The following GRSF1 variants were observed in gnomAD, a reference collection of about 807,000 sequenced individuals.
GRSF1 encodes G-rich sequence factor 1.
GRSF1 carries 50 observed loss-of-function variants against 51.1 expected under a neutral mutation model. That is an observed-to-expected ratio of 0.98 (90% CI 0.78 to 1.24). GRSF1 has a LOEUF of 1.24. Among genes scored for constraint, GRSF1 ranks in the 50% most tolerant of loss-of-function variants. GRSF1 has a pLI of 0.00. For synonymous variants in GRSF1, 293 were observed against 253.3 expected (o/e 1.16, Z -1.49); for missense variants, 700 against 639.7 (o/e 1.09, Z -1.02).
intron 8 of GRSF1, among the ~76,000 whole-genome samples, chr4:70,824,824 T>C (rs565280521): frequency 2.0e-5 from 3 of 152,208 alleles, no homozygotes; most frequent in African/African-American, 7.2e-5. Context: ...ACAAACAGGC[T>C]GGATGCGGTG....
chr4:70,838,944 G>GGAAC, intron 1 of GRSF1: 1 of 355,942 alleles, frequency 2.8e-6, no homozygotes, highest in Non-Finnish European at 5.4e-6. Context: ...GACAGGAGAG[G>GGAAC]GAACGGCGCG....
In GRSF1 at chr4:70,826,161, C is replaced by T. The variant is rs1216806954; in HGVS notation, c.1220G>A (p.Gly407Glu). 1 of 1,611,414 alleles carries T rather than the reference C, an allele frequency of 6.2e-7. No homozygotes were observed. Among genetic ancestry groups the T allele is most frequent in the African/African-American group, 1.3e-5 (1 of 74,788 alleles). ...TSSLHFVHMR[G>E]LPFQANAQDI... The stretch of plus-strand genomic sequence containing the variant: ...TTGGGCATTGGCTTGGAAAGGTAAT[C>T]CTCTCATGTGGACAAAATGCAGAGA... Residue 407 changes from glycine to glutamate, a missense_variant, in exon 7 of 10, where the codon GGA becomes GAA. By Grantham distance (98) the Gly-to-Glu change is moderately conservative. Coordinates refer to ENST00000254799, the MANE Select transcript of GRSF1 (RefSeq NM_002092.4).
intron 5 of GRSF1, among the ~76,000 whole-genome samples, chr4:70,828,450 A>C (rs1437520834): frequency 6.6e-6 from 1 of 152,234 alleles, no homozygotes; most frequent in African/African-American, 2.4e-5. Context: ...ATTAAAAGTC[A>C]CAGTAAAAGA....
chr4:70,831,402 T>G, intron 5 of GRSF1, 137 bp downstream of exon 5: 1 of 675,716 alleles, frequency 1.5e-6, no homozygotes, highest in Non-Finnish European at 2.4e-6. Context: ...TAATCTAAAT[T>G]ATGGGCATTT....
intron 2 of GRSF1, among the ~76,000 whole-genome samples, chr4:70,835,716 C>T (rs1578308244): frequency 6.6e-6 from 1 of 152,252 alleles, no homozygotes; most frequent in African/African-American, 2.4e-5. Flanking sequence ...GCTGGGATTA[C>T]AGGCGTGAGC....
chr4:70,836,113 A>C (rs563424214), intron 2 of GRSF1, 45 bp downstream of exon 2: 2 of 1,166,182 alleles, frequency 1.7e-6, no homozygotes, highest in Admixed American at 3.5e-5. Flanking sequence ...GTGAGAAACA[A>C]TATAAGGAAA....
intron 1 of GRSF1, among the ~76,000 whole-genome samples, chr4:70,836,946 T>C (rs572790728): frequency 1.3e-5 from 2 of 152,316 alleles, no homozygotes; most frequent in East Asian, 3.9e-4. Context: ...GAAGGTGACC[T>C]GGCAAAAGAG....
rs749532601 is a variant in GRSF1, at chr4:70,833,274, C to T, written c.515-1G>A. On this transcript the variant is annotated splice_acceptor_variant, in intron 2 of 9. Coordinates refer to ENST00000254799, the MANE Select transcript of GRSF1 (RefSeq NM_002092.4). LOFTEE classifies it high-confidence loss of function. ...TTCTCACCGTTGCGGATTCTGCAGT[C>T]TAAAAGTGTATGAGCAAAATCAATT... is the stretch of plus-strand genomic sequence containing the variant. 2.5e-6 allele frequency: 4 copies of T among 1,612,768 alleles called. No individual in the cohort carries two copies. In the Admixed American group the frequency reaches 6.7e-5, roughly 27 times the overall value.
intron 9 of GRSF1, among the ~76,000 whole-genome samples, chr4:70,822,200 C>T (rs1417380881): frequency 6.6e-6 from 1 of 151,976 alleles, no homozygotes. Context: ...AAAAAAAATG[C>T]CATTTTAGGA....
rs1408033758 is a variant in GRSF1, at chr4:70,833,247, C to T, written c.541G>A (p.Gly181Arg). Residue 181 changes from glycine (G) to arginine (R), a missense_variant, in exon 3 of 10, where the codon GGA becomes AGA. Gly to Arg is a moderately radical substitution (Grantham distance 125). Transcript: ENST00000254799. Reference protein sequence around the residue: ...SDCRIRNGENGIHFLLNRDGK... With the variant: ...SDCRIRNGENRIHFLLNRDGK... ...TCTCTGTTTAGGAGAAAATGTATTC[C>T]ATTCTCACCGTTGCGGATTCTGCAG... 2 of 1,613,754 alleles carry T rather than the reference C, an allele frequency of 1.2e-6. No homozygotes were observed. Among genetic ancestry groups the T allele is most frequent in the Non-Finnish European group, 1.7e-6 (2 of 1,179,820 alleles).
chr4:70,823,587 G>C (rs1578293532), intron 9 of GRSF1, among the ~76,000 whole-genome samples: 1 of 150,958 alleles, frequency 6.6e-6, no homozygotes, highest in Non-Finnish European at 1.5e-5. Flanking sequence ...AAAAGGAATG[G>C]TGCCAGGCGG....
At chr4:70,835,504 T>G (rs1182874918) in intron 2 of GRSF1, among the ~76,000 whole-genome samples, 11 of 146,048 alleles carry the variant, frequency 7.5e-5, no homozygotes, top group African/African-American at 2.7e-4. Flanking sequence ...TCGCCCAGGC[T>G]GGAATGCAGT....
chr4:70,831,351 G>C (rs1411317540), intron 5 of GRSF1, among the ~76,000 whole-genome samples, 188 bp downstream of exon 5: 1 of 147,690 alleles, frequency 6.8e-6, no homozygotes, highest in South Asian at 2.1e-4. Flanking sequence ...GTGAAACTCT[G>C]TCTCAAAAAA....
intron 1 of GRSF1, 161 bp downstream of exon 1, chr4:70,839,310 G>C: frequency 6.7e-7 from 1 of 1,501,708 alleles, no homozygotes; most frequent in Non-Finnish European, 8.9e-7. Flanking sequence ...TTGTTCCAGG[G>C]CCCAATAGGA....
At chr4:70,843,042 C>T (rs1419472488), upstream of GRSF1, among the ~76,000 whole-genome samples, 1 of 152,074 alleles carries the variant, frequency 6.6e-6, no homozygotes, top group Non-Finnish European at 1.5e-5. Flanking sequence ...CACCTGCCAT[C>T]CTCATGACAG....
At chr4:70,828,954 G>A (rs1733848266) in intron 5 of GRSF1, among the ~76,000 whole-genome samples, 1 of 151,962 alleles carries the variant, frequency 6.6e-6, no homozygotes, top group Non-Finnish European at 1.5e-5. Context: ...GGCCAGGCTG[G>A]TCTCAAACTC....
At chr4:70,825,949 A>T (rs1733718314) in intron 7 of GRSF1, 175 bp downstream of exon 7, 6 of 587,270 alleles carry the variant, frequency 1.0e-5, no homozygotes, top group Non-Finnish European at 1.8e-5. Flanking sequence ...AGTAATACCA[A>T]GCCACACTTT....
At chr4:70,824,475 T>C (rs1018121066) in intron 8 of GRSF1, 107 bp from the exon 9 acceptor site, 20 of 643,728 alleles carry the variant, frequency 3.1e-5, no homozygotes, top group Non-Finnish European at 5.0e-5. Flanking sequence ...TGCCCTTTCC[T>C]TTCCCTAATT....
chr4:70,839,768 G>GCTGCAGTTACAGCCGCAGCCC lies in GRSF1; in HGVS notation c.39_59dup (p.Arg13_Cys19dup), dbSNP rs1317313238. ...AGGCGGCGCCGGTGCGCCGGCAGCT[G>GCTGCAGTTACAGCCGCAGCCC]CTGCAGTTACAGCCGCAGCCCCGGA... On this transcript the variant is annotated inframe_insertion, in exon 1 of 10. Coordinates refer to ENST00000254799, the MANE Select transcript of GRSF1 (RefSeq NM_002092.4). The GCTGCAGTTACAGCCGCAGCCC allele has an allele frequency of 1.3e-6, 2 of 1,505,924 alleles. No homozygotes were observed. Among genetic ancestry groups the GCTGCAGTTACAGCCGCAGCCC allele is most frequent in the Non-Finnish European group, 1.8e-6 (2 of 1,134,510 alleles). The allele number at this position is 1,505,924 out of a possible 1,614,324, so 93.3% of individuals were successfully genotyped here.
Sources: gnomAD v4.1 joint callset for allele counts (sites outside exome capture counted in the v4.1 genomes callset) on GRCh38, gnomAD v4.1.1 for gene constraint, MANE v1.5 for transcripts, NCBI Gene and HGNC (gene_info 2026-07-23, HGNC 2026-07-21) for gene names.